CCDC149: variants seen among roughly 807,000 people sequenced by gnomAD.
The protein encoded by CCDC149 is coiled-coil domain-containing protein 149.
CCDC149 carries 45 observed loss-of-function variants against 59.9 expected under a neutral mutation model. That is an observed-to-expected ratio of 0.75 (90% CI 0.59 to 0.96). CCDC149 has a LOEUF of 0.96. CCDC149 is among the 40% of genes least tolerant of loss of function. CCDC149 has a pLI of 0.00. For synonymous variants in CCDC149, 245 were observed against 260.6 expected (o/e 0.94, Z 0.58); for missense variants, 584 against 664.7 (o/e 0.88, Z 1.33).
chr4:24,907,308 C>A (rs570418854), intron 1 of CCDC149, among the ~76,000 whole-genome samples: 1 of 152,286 alleles, frequency 6.6e-6, no homozygotes, highest in African/African-American at 2.4e-5. Flanking sequence ...AGAGAAGTTA[C>A]ATGGTGCAGT....
At chr4:24,910,870 T>C (rs183768619) in intron 1 of CCDC149, among the ~76,000 whole-genome samples, 61 of 152,318 alleles carry the variant, frequency 4.0e-4, no homozygotes, top group African/African-American at 1.3e-3. Flanking sequence ...ATTGTGAATA[T>C]GAGGCCATGT....
chr4:24,902,777 G>A (rs1412632619), intron 1 of CCDC149, among the ~76,000 whole-genome samples: 1 of 152,116 alleles, frequency 6.6e-6, no homozygotes, highest in Non-Finnish European at 1.5e-5. Context: ...AATCCCAGCA[G>A]TTTGGGAGGC....
At chr4:24,855,420 G>T (rs193183355) in intron 3 of CCDC149, among the ~76,000 whole-genome samples, 1 of 152,028 alleles carries the variant, frequency 6.6e-6, no homozygotes, top group Non-Finnish European at 1.5e-5. Context: ...ACAGAAATTA[G>T]CCAGGCATAG....
chr4:24,841,200 G>C (rs1304012163), intron 4 of CCDC149, among the ~76,000 whole-genome samples: 1 of 152,174 alleles, frequency 6.6e-6, no homozygotes, highest in African/African-American at 2.4e-5. Flanking sequence ...GGAGGCTCAG[G>C]TCGTGTCTTC....
chr4:24,949,947 C>T (rs1302318085), intron 1 of CCDC149, among the ~76,000 whole-genome samples: 1 of 152,112 alleles, frequency 6.6e-6, no homozygotes, highest in Non-Finnish European at 1.5e-5. Context: ...GCAGAGGTGG[C>T]CGTGAAGAGA....
intron 1 of CCDC149, among the ~76,000 whole-genome samples, chr4:24,921,959 A>T (rs1267399124): frequency 6.6e-6 from 1 of 152,172 alleles, no homozygotes; most frequent in South Asian, 2.1e-4. Flanking sequence ...AGTTCTGGAG[A>T]CTAGAAATCT....
At chr4:24,883,116 C>A (rs1719947201) in intron 1 of CCDC149, among the ~76,000 whole-genome samples, 1 of 152,192 alleles carries the variant, frequency 6.6e-6, no homozygotes, top group Non-Finnish European at 1.5e-5. Flanking sequence ...TTGCAAAGAA[C>A]AAGGCTCCTG....
intron 9 of CCDC149, 143 bp downstream of exon 9, chr4:24,831,363 C>A: frequency 1.3e-6 from 1 of 770,540 alleles, no homozygotes. Context: ...AAGCACCATT[C>A]TAGTTTAATA....
At chr4:24,814,305 GA>G (rs1714863023) in intron 12 of CCDC149, among the ~76,000 whole-genome samples, 1 of 152,188 alleles carries the variant, frequency 6.6e-6, no homozygotes, top group African/African-American at 2.4e-5. Flanking sequence ...GTTCAGCCAG[GA>G]TAAGGTATGT....
chr4:24,833,394 C>A (rs540307959), intron 8 of CCDC149, among the ~76,000 whole-genome samples: 2 of 152,068 alleles, frequency 1.3e-5, no homozygotes, highest in East Asian at 3.8e-4. Context: ...GAAGCCAAGG[C>A]GGGCAGATCA....
intron 1 of CCDC149, among the ~76,000 whole-genome samples, chr4:24,922,477 T>C (rs1215931471): frequency 6.6e-6 from 1 of 152,238 alleles, no homozygotes; most frequent in Non-Finnish European, 1.5e-5. Flanking sequence ...CCAGATCATT[T>C]TGATACCTAG....
intron 1 of CCDC149, among the ~76,000 whole-genome samples, chr4:24,961,411 T>C (rs1254577700): frequency 6.6e-6 from 1 of 152,146 alleles, no homozygotes. Context: ...TTCAATGCCA[T>C]CCCCATCAAG....
chr4:24,956,562 C>A (rs144786040), intron 1 of CCDC149, among the ~76,000 whole-genome samples: 1 of 152,002 alleles, frequency 6.6e-6, no homozygotes, highest in Non-Finnish European at 1.5e-5. Flanking sequence ...CCTATTATAT[C>A]GATGATATCA....
intron 10 of CCDC149, among the ~76,000 whole-genome samples, chr4:24,822,292 C>T (rs560858120): frequency 3.5e-4 from 53 of 152,164 alleles, no homozygotes; most frequent in African/African-American, 1.3e-3. Context: ...ATATTTACTG[C>T]ATTTTTCTGA....
chr4:24,972,966 T>C (rs907290114), intron 1 of CCDC149, among the ~76,000 whole-genome samples: 1 of 152,206 alleles, frequency 6.6e-6, no homozygotes, highest in East Asian at 1.9e-4. Context: ...CTTTTGCCTG[T>C]AAGGGTGGGC....
intron 1 of CCDC149, among the ~76,000 whole-genome samples, chr4:24,964,185 C>A (rs1380774741): frequency 1.2e-4 from 10 of 86,788 alleles, no homozygotes; most frequent in Admixed American, 7.0e-4. Flanking sequence ...CAGAGTGAGA[C>A]CCTATCTAAA....
At chr4:24,898,619 G>A (rs1720981524) in intron 1 of CCDC149, among the ~76,000 whole-genome samples, 5 of 152,128 alleles carry the variant, frequency 3.3e-5, no homozygotes, top group African/African-American at 1.2e-4. Context: ...ACTGCTAAGT[G>A]TCTATCCTGT....
At chr4:24,862,175 T>G (rs1718427302) in intron 3 of CCDC149, among the ~76,000 whole-genome samples, 1 of 152,160 alleles carries the variant, frequency 6.6e-6, no homozygotes, top group South Asian at 2.1e-4. Flanking sequence ...GATAAACATA[T>G]GCATAATGGT....
intron 1 of CCDC149, among the ~76,000 whole-genome samples, chr4:24,960,225 C>G (rs2109360695): frequency 6.6e-6 from 1 of 152,174 alleles, no homozygotes; most frequent in Admixed American, 6.5e-5. Context: ...CACTATAACT[C>G]TAATATAACT....
Sources: allele counts gnomAD v4.1 joint callset (sites outside exome capture counted in the v4.1 genomes callset), GRCh38; gene constraint gnomAD v4.1.1; transcripts MANE v1.5; gene names NCBI Gene and HGNC (gene_info 2026-07-23, HGNC 2026-07-21).